RAPGEF2: variants seen among roughly 807,000 people sequenced by gnomAD.
RAPGEF2 encodes PDZ domain containing guanine nucleotide exchange factor (GEF) 1.
RAPGEF2 carries 54 observed loss-of-function variants against 186.7 expected under a neutral mutation model. The ratio of observed to expected loss-of-function variants is 0.29; its 90% CI spans 0.23 to 0.36. The LOEUF (loss-of-function observed/expected upper bound fraction) is 0.36, where lower values mean the gene tolerates loss of function less well. Ranked by LOEUF, RAPGEF2 falls within the 10% of genes least tolerant of loss-of-function variation. The pLI is 1.00. For missense variants in RAPGEF2, 1,532 were observed against 2,045.0 expected, an observed-to-expected ratio of 0.75 and a Z score of 4.84; for synonymous variants, 712 against 705.9, an observed-to-expected ratio of 1.01 and a Z score of -0.14.
intron 1 of RAPGEF2, among the ~76,000 whole-genome samples, chr4:159,149,851 A>G (rs1187476058): frequency 2.6e-5 from 4 of 152,210 alleles, no homozygotes; most frequent in Admixed American, 1.3e-4. Context: ...AGAAGTTCTT[A>G]GGAGACAAAA....
chr4:159,235,898 T>TAG (rs1753203338), intron 4 of RAPGEF2, among the ~76,000 whole-genome samples: 1 of 152,228 alleles, frequency 6.6e-6, no homozygotes. Flanking sequence ...TTATAGCTTC[T>TAG]GGTTTGTGAG....
intron 1 of RAPGEF2, among the ~76,000 whole-genome samples, chr4:159,119,736 G>A (rs1000097512): frequency 2.6e-5 from 4 of 152,126 alleles, no homozygotes; most frequent in Non-Finnish European, 5.9e-5. Context: ...TGAGCATTAC[G>A]TGTAAATATT....
In RAPGEF2 at chr4:159,343,307, G is replaced by C; in HGVS notation, c.3157G>C (p.Val1053Leu). Residue 1053 changes from valine to leucine, a missense_variant, in exon 22 of 30, where the codon GTC becomes CTC. Transcript: ENST00000691494. ...AAATGACTCAAAAGTAGACGGGCTG[G>C]TCAATTTTGAGAAGCTAAGGATGAT... ...EGNDSKVDGLVNFEKLRMIAK... is the reference protein window; with the variant it reads ...EGNDSKVDGLLNFEKLRMIAK... 6.2e-7 allele frequency: 1 copy of C among 1,614,006 alleles called. No individual in the cohort carries two copies. The highest frequency in any genetic ancestry group is 8.5e-7 in the Non-Finnish European group (1 of 1,179,938).
At chr4:159,198,272 T>G (rs1317647668) in intron 3 of RAPGEF2, among the ~76,000 whole-genome samples, 1 of 2,742 alleles carries the variant, frequency 3.6e-4, no homozygotes. Flanking sequence ...CTTTCTTTCC[T>G]TCTTTCTTTC....
At chr4:159,277,371 C>T (rs1005169082) in intron 7 of RAPGEF2, among the ~76,000 whole-genome samples, 4 of 152,134 alleles carry the variant, frequency 2.6e-5, no homozygotes, top group African/African-American at 9.7e-5. Flanking sequence ...GTGAGTAGTG[C>T]CACAATTAAC....
At chr4:159,135,043 T>C (rs1292300425) in intron 1 of RAPGEF2, among the ~76,000 whole-genome samples, 15 of 152,294 alleles carry the variant, frequency 9.8e-5, no homozygotes, top group Middle Eastern at 3.4e-3. Flanking sequence ...TTCTTTAATT[T>C]TTTTTCCTTT....
intron 26 of RAPGEF2, chr4:159,351,012 C>A (rs1391566946): frequency 6.7e-7 from 1 of 1,490,010 alleles, no homozygotes; most frequent in South Asian, 1.2e-5. Flanking sequence ...TCTCTCCTGT[C>A]CTTGTTACAT....
intron 7 of RAPGEF2, among the ~76,000 whole-genome samples, chr4:159,257,482 C>T (rs1756321125): frequency 6.6e-6 from 1 of 152,194 alleles, no homozygotes; most frequent in African/African-American, 2.4e-5. Context: ...ATTTAATCGT[C>T]TCCTACCAAG....
At chr4:159,210,666 T>C (rs185049976) in intron 4 of RAPGEF2, 83 bp downstream of exon 4, 1 of 1,027,390 alleles carries the variant, frequency 9.7e-7, no homozygotes, top group African/African-American at 1.6e-5. Flanking sequence ...TCTTTTCTCT[T>C]CCTGTGTTCT....
chr4:159,188,409 A>G (rs1747766681), intron 2 of RAPGEF2, among the ~76,000 whole-genome samples: 1 of 152,136 alleles, frequency 6.6e-6, no homozygotes, highest in African/African-American at 2.4e-5. Context: ...CATGCCTGTA[A>G]TCCCAGCTCT....
intron 5 of RAPGEF2, among the ~76,000 whole-genome samples, chr4:159,240,207 A>G (rs1183459538): frequency 6.6e-6 from 1 of 152,098 alleles, no homozygotes; most frequent in Non-Finnish European, 1.5e-5. Flanking sequence ...CTGATACTAC[A>G]CAAACTACTA....
At chr4:159,349,878 C>CT (rs1301858333) in intron 25 of RAPGEF2, among the ~76,000 whole-genome samples, 1 of 152,146 alleles carries the variant, frequency 6.6e-6, no homozygotes, top group African/African-American at 2.4e-5. Context: ...AGTTTAGAAT[C>CT]TAACGTAAAA....
intron 1 of RAPGEF2, among the ~76,000 whole-genome samples, chr4:159,138,063 A>G (rs1340096545): frequency 1.3e-5 from 2 of 152,222 alleles, no homozygotes; most frequent in Non-Finnish European, 2.9e-5. Flanking sequence ...GTATAATGTT[A>G]ATGAATATGG....
At chr4:159,281,347 A>C (rs575841751) in intron 7 of RAPGEF2, among the ~76,000 whole-genome samples, 4 of 152,132 alleles carry the variant, frequency 2.6e-5, no homozygotes, top group African/African-American at 9.6e-5. Flanking sequence ...TCATGATTGT[A>C]ATACTGGTCT....
chr4:159,272,772 G>A (rs1048382424), intron 7 of RAPGEF2, among the ~76,000 whole-genome samples: 1 of 152,212 alleles, frequency 6.6e-6, no homozygotes, highest in Non-Finnish European at 1.5e-5. Flanking sequence ...ATCACTGTTA[G>A]AGTAGACTGT....
At chr4:159,240,885 A>G (rs969077689) in intron 5 of RAPGEF2, 5 of 217,168 alleles carry the variant, frequency 2.3e-5, no homozygotes, top group Non-Finnish European at 4.3e-5. Flanking sequence ...GTGGTAATGT[A>G]TCCTGTGAGA....
intron 17 of RAPGEF2, 140 bp from the exon 18 acceptor site, chr4:159,338,171 T>C: frequency 1.5e-6 from 1 of 680,178 alleles, no homozygotes; most frequent in Non-Finnish European, 2.3e-6. Context: ...TTTGCAGTTT[T>C]CAACCAAATT....
intron 8 of RAPGEF2, among the ~76,000 whole-genome samples, chr4:159,306,416 T>G (rs1763310303): frequency 6.6e-6 from 1 of 152,162 alleles, no homozygotes; most frequent in Non-Finnish European, 1.5e-5. Context: ...GCTTTCTTGA[T>G]TTTGTTCTCA....
chr4:159,137,451 C>T (rs1741839082), intron 1 of RAPGEF2, among the ~76,000 whole-genome samples: 1 of 152,140 alleles, frequency 6.6e-6, no homozygotes, highest in Non-Finnish European at 1.5e-5. Context: ...GGGCCCCTCC[C>T]TTATGATCTC....
Sources: gnomAD v4.1 joint callset for allele counts (sites outside exome capture counted in the v4.1 genomes callset) on GRCh38, gnomAD v4.1.1 for gene constraint, MANE v1.5 for transcripts, NCBI Gene and HGNC (gene_info 2026-07-23, HGNC 2026-07-21) for gene names.